The following SSC5D variants were observed in gnomAD, a reference collection of about 807,000 sequenced individuals.
The protein encoded by SSC5D is scavenger receptor cysteine rich family member with 5 domains, also known as soluble scavenger receptor cysteine-rich domain-containing protein SSC5D.
SSC5D carries 106 observed loss-of-function variants against 104.6 expected under a neutral mutation model. The ratio of observed to expected loss-of-function variants is 1.01; its 90% CI spans 0.87 to 1.19. SSC5D has a LOEUF of 1.19. Among genes scored for constraint, SSC5D ranks in the 50% most tolerant of loss-of-function variants. The pLI, the probability that SSC5D is intolerant of heterozygous loss-of-function variation, is 0.00. For missense variants in SSC5D, 1,993 were observed against 2,153.8 expected, an observed-to-expected ratio of 0.93 and a Z score of 1.48; for synonymous variants, 860 against 883.5, an observed-to-expected ratio of 0.97 and a Z score of 0.47.
intron 12 of SSC5D, among the ~76,000 whole-genome samples, chr19:55,511,256 T>C (rs183842340): frequency 3.3e-5 from 5 of 152,286 alleles, no homozygotes; most frequent in African/African-American, 1.2e-4. Context: ...ATTTGACCCT[T>C]GTTCTATCAG....
rs770826234 is a variant in SSC5D at position 55,517,728 on chromosome 19, C to T, written c.3452C>T (p.Pro1151Leu). 6.4e-6 allele frequency: 10 copies of T among 1,550,402 alleles called. No individual in the cohort carries two copies. The African/African-American group carries it at 8.3e-5, about 13-fold the overall frequency. ...CCAGACCCCTCCCCAAGCCCTCACC[C>T]CACTACTACCCCTGATCCCACCATG... Reference protein sequence around the residue: ...RSPDPSPSPHPTTTPDPTMAP... With the variant: ...RSPDPSPSPHLTTTPDPTMAP... Residue 1151 changes from proline to leucine, a missense_variant, in exon 14 of 14, where the codon CCC becomes CTC. Coordinates refer to ENST00000389623, the MANE Select transcript of SSC5D (RefSeq NM_001144950.2).
intron 6 of SSC5D, chr19:55,492,496 C>G (rs1008743534): frequency 6.6e-6 from 1 of 152,064 alleles, no homozygotes; most frequent in Non-Finnish European, 1.5e-5. Flanking sequence ...CTAAGGCGCC[C>G]GGTGAAGCTG....
chr19:55,504,485 T>C (rs953901692), intron 12 of SSC5D, among the ~76,000 whole-genome samples: 5 of 152,178 alleles, frequency 3.3e-5, no homozygotes, highest in African/African-American at 1.2e-4. Context: ...TCCCCGTTTC[T>C]TATTTATATT....
At chr19:55,511,900 T>C (rs1987764445) in intron 12 of SSC5D, among the ~76,000 whole-genome samples, 1 of 152,138 alleles carries the variant, frequency 6.6e-6, no homozygotes, top group South Asian at 2.1e-4. Context: ...GGATAGGCAA[T>C]GAGTATGGAG....
chr19:55,500,589 G>C lies in SSC5D; in HGVS notation c.2402G>C (p.Trp801Ser). 1 of 1,551,758 alleles carries C rather than the reference G, an allele frequency of 6.4e-7. No homozygotes were observed. Among genetic ancestry groups the C allele is most frequent in the Non-Finnish European group, 8.7e-7 (1 of 1,147,006 alleles). ...TGGGGAACAGTGTGTGATGACAACT[G>C]GGACCTGCGGGACGCCACTGTGGCC... ...GRWGTVCDDN[W>S]DLRDATVACW... The change falls in exon 11 of 14, where the codon TGG becomes TCG. Residue 801 changes from tryptophan (W) to serine (S), a missense_variant. Around this residue, in one of 6 missense-constraint regions of SSC5D, gnomAD observed 70 missense variants for 107.1 expected, o/e 0.65. Transcript: ENST00000389623. This position sits in a 1 kb window ranked among gnomAD's most constrained non-coding sequence, Gnocchi z 4.6.
At chr19:55,497,737 T>C in intron 8 of SSC5D, 143 bp from the exon 9 acceptor site, 1 of 818,292 alleles carries the variant, frequency 1.2e-6, no homozygotes. Context: ...AAATACTTGC[T>C]GCCTGGAGGA....
chr19:55,490,490 G>A (rs939154407), intron 5 of SSC5D, 82 bp downstream of exon 5: 45 of 621,120 alleles, frequency 7.2e-5, no homozygotes, highest in Non-Finnish European at 1.1e-4. Context: ...ACCTGCGGGC[G>A]CCCTCTCCTT....
chr19:55,517,680 C>G lies in SSC5D; in HGVS notation c.3404C>G (p.Thr1135Arg). 1.3e-6 allele frequency: 2 copies of G among 1,551,646 alleles called. No homozygotes were observed. Among genetic ancestry groups the G allele is most frequent in the Non-Finnish European group, 8.7e-7 (1 of 1,147,002 alleles). Reference protein sequence around the residue: ...PDLDTTPYSSTVSEYSRSPDP... With the variant: ...PDLDTTPYSSRVSEYSRSPDP... ...TTGGACACAACTCCATACTCCAGTA[C>G]AGTCTCAGAATATTCTAGATCCCCA... The change falls in exon 14 of 14, where the codon ACA becomes AGA. Residue 1135 changes from threonine (T) to arginine (R), a missense_variant. Physicochemically the swap from Thr to Arg is moderately conservative, Grantham distance 71. Coordinates refer to ENST00000389623, the MANE Select transcript of SSC5D (RefSeq NM_001144950.2).
chr19:55,500,437 G>C lies in SSC5D; in HGVS notation c.2302+25G>C, dbSNP rs749257615. On this transcript the variant is annotated intron_variant, in intron 10 of 13. Coordinates refer to ENST00000389623, the MANE Select transcript of SSC5D (RefSeq NM_001144950.2). The surrounding 1 kb of genome is among the most constrained non-coding windows in gnomAD (Gnocchi z 4.6). ...GGTGAGTGGCCGTGAGGGGTGTGGG[G>C]AGAGAATGGGAGAGGCTGACCCTCC... 6.5e-7 allele frequency: 1 copy of C among 1,548,236 alleles called. No individual in the cohort carries two copies.
At position 55,500,161 on chromosome 19, in the gene SSC5D, C is replaced by T. The variant is rs61745835; in HGVS notation, c.2051C>T (p.Pro684Leu). The change falls in exon 10 of 14, where the codon CCG becomes CTG. Residue 684 changes from proline (P) to leucine (L), a missense_variant. This residue lies in a region of SSC5D where 1,101 missense variants were observed against 1,085.0 expected (regional missense o/e 1.01). Coordinates refer to ENST00000389623, the MANE Select transcript of SSC5D (RefSeq NM_001144950.2). The surrounding 1 kb of genome is among the most constrained non-coding windows in gnomAD (Gnocchi z 4.6). Reference protein sequence around the residue: ...RRPTSEFTRRPTTEAPQRWTS... With the variant: ...RRPTSEFTRRLTTEAPQRWTS... ...CCTACCTCTGAGTTTACCAGAAGGCCGACCACGGAGGCCCCCCAGAGATGG... is the reference window on the plus strand; with the variant it reads ...CCTACCTCTGAGTTTACCAGAAGGCTGACCACGGAGGCCCCCCAGAGATGG... 1,103 of 1,551,472 alleles carry T rather than the reference C, an allele frequency of 7.1e-4. 6 individuals are homozygous for T. The African/African-American group carries it at 0.014, about 19-fold the overall frequency.
At chr19:55,510,497 T>A (rs4254423) in intron 12 of SSC5D, among the ~76,000 whole-genome samples, 1 of 152,072 alleles carries the variant, frequency 6.6e-6, no homozygotes, top group Admixed American at 6.5e-5. Flanking sequence ...TACAGGCATG[T>A]TCCACCACGC....
chr19:55,514,095 G>C (rs926029781), intron 13 of SSC5D, among the ~76,000 whole-genome samples: 3 of 152,184 alleles, frequency 2.0e-5, no homozygotes, highest in African/African-American at 7.2e-5. Flanking sequence ...AGACAATCCA[G>C]CAGTATTTAG....
intron 5 of SSC5D, 39 bp from the exon 6 acceptor site, chr19:55,490,733 C>A: frequency 6.9e-7 from 1 of 1,447,016 alleles, no homozygotes; most frequent in South Asian, 1.4e-5. Context: ...TGAATCATTT[C>A]TCACTGGCCA....
Position 55,500,143 on chromosome 19 carries a change from C to A in SSC5D, c.2033C>A (p.Ser678Tyr), listed in dbSNP as rs1987440929. Reference protein sequence around the residue: ...LTTEASRRPTSEFTRRPTTEA... With the variant: ...LTTEASRRPTYEFTRRPTTEA... The stretch of plus-strand genomic sequence containing the variant: ...ACTGAGGCCTCCCGAAGACCTACCT[C>A]TGAGTTTACCAGAAGGCCGACCACG... Residue 678 changes from serine (S) to tyrosine (Y), a missense_variant, in exon 10 of 14, where the codon TCT (serine) becomes TAT (tyrosine). By Grantham distance (144) the Ser-to-Tyr change is moderately radical (BLOSUM62 -2). This residue lies in a region of SSC5D where 1,101 missense variants were observed against 1,085.0 expected (regional missense o/e 1.01). Transcript: ENST00000389623. The surrounding 1 kb of genome is among the most constrained non-coding windows in gnomAD (Gnocchi z 4.6). 1 of 1,551,726 alleles carries A rather than the reference C, an allele frequency of 6.4e-7. No individual in the cohort carries two copies. Among genetic ancestry groups the A allele is most frequent in the Admixed American group, 2.0e-5 (1 of 50,972 alleles).
chr19:55,489,893 G>A lies in SSC5D; in HGVS notation c.373G>A (p.Ala125Thr). The A allele has an allele frequency of 6.5e-7, 1 of 1,549,006 alleles. No homozygotes were observed. Among genetic ancestry groups the A allele is most frequent in the Admixed American group, 2.0e-5 (1 of 50,886 alleles). ...CCCCCCCGCCGCAGGTCAGCGTGTG[G>A]CTAACTCCAGGGACGACTCAACATC... ...AGVVCAGQRV[A>T]NSRDDSTSPL... The change falls in exon 4 of 14, where the codon GCT becomes ACT. Residue 125 changes from alanine to threonine, a missense_variant. Physicochemically the swap from Ala to Thr is moderately conservative, Grantham distance 58. Transcript: ENST00000389623.
intron 12 of SSC5D, among the ~76,000 whole-genome samples, chr19:55,507,689 GAAAAA>G (rs1358686101): frequency 4.4e-5 from 5 of 113,418 alleles, no homozygotes; most frequent in Admixed American, 8.7e-5. Flanking sequence ...AAAAAAAAAA[GAAAAA>G]AAGAGACATC....
At chr19:55,514,195 G>A (rs1461331451) in intron 13 of SSC5D, among the ~76,000 whole-genome samples, 1 of 151,126 alleles carries the variant, frequency 6.6e-6, no homozygotes, top group Admixed American at 6.6e-5. Flanking sequence ...CACGAGGTCA[G>A]GAGATCGAGA....
rs377664229 is a variant in SSC5D, at chr19:55,501,115, C to G, written c.2699C>G (p.Ala900Gly). The change falls in exon 12 of 14, where the codon GCG becomes GGG. Residue 900 changes from alanine (A) to glycine (G), a missense_variant. Ala to Gly is a moderately conservative substitution (Grantham distance 60). Transcript: ENST00000389623. ...GACCTGGCCAAGGGGACTACCACAGCGGGGGTACCTGGACACACTCTCCCC... is the reference window on the plus strand; with the variant it reads ...GACCTGGCCAAGGGGACTACCACAGGGGGGGTACCTGGACACACTCTCCCC... ...REDLAKGTTT[A>G]GVPGHTLPWR... 32 of 1,551,516 alleles carry G rather than the reference C, an allele frequency of 2.1e-5. No individual in the cohort carries two copies. The highest frequency in any genetic ancestry group is 1.7e-4 in the Middle Eastern group (1 of 6,012).
At position 55,503,867 on chromosome 19, in the gene SSC5D, G is replaced by C. The variant is rs760864269; in HGVS notation, c.2785+2666G>C. 2.0e-5 allele frequency among the ~76,000 whole-genome samples: 3 copies of C among 152,208 alleles called. No individual in the cohort carries two copies. Among genetic ancestry groups the C allele is most frequent in the Non-Finnish European group, 4.4e-5 (3 of 68,032 alleles). On this transcript the variant is annotated intron_variant, in intron 12 of 13. Coordinates refer to ENST00000389623, the MANE Select transcript of SSC5D (RefSeq NM_001144950.2). This position sits in a 1 kb window ranked among gnomAD's most constrained non-coding sequence, Gnocchi z 4.0. ...CGCATGCGCAGGCGCGGTGGGCCCG[G>C]GAATGGAGGGACGGGATGGGGCAGG...
Sources: gnomAD v4.1 joint callset for allele counts (sites outside exome capture counted in the v4.1 genomes callset) on GRCh38, gnomAD v4.1.1 for gene constraint, gnomAD v4.1.1 regional missense constraint, Gnocchi (gnomAD v3.1) non-coding constraint, MANE v1.5 for transcripts, NCBI Gene and HGNC (gene_info 2026-07-23, HGNC 2026-07-21) for gene names.